RRP1: variants seen among roughly 807,000 people sequenced by gnomAD.
RRP1 encodes ribosomal RNA processing 1.
RRP1 carries 37 observed loss-of-function variants against 54.6 expected under a neutral mutation model. That is an observed-to-expected ratio of 0.68 (90% CI 0.52 to 0.89). The LOEUF (loss-of-function observed/expected upper bound fraction) is 0.89, where lower values mean the gene tolerates loss of function less well. RRP1 is among the 40% of genes least tolerant of loss of function. RRP1 has a pLI of 0.00. For synonymous variants in RRP1, 262 were observed against 244.3 expected (o/e 1.07, Z -0.67); for missense variants, 639 against 612.5 (o/e 1.04, Z -0.46).
rs564983434 is a variant in RRP1 at position 43,800,381 on chromosome 21, T to C, written c.892-136T>C. 7 of 717,104 alleles carry C rather than the reference T, an allele frequency of 9.8e-6. No homozygotes were observed. In the African/African-American group the frequency reaches 1.2e-4, roughly 12 times the overall value. 44.4% of individuals were successfully genotyped at this position (717,104 alleles called of 1,614,324 possible). A position where few individuals can be genotyped will look rare whatever the true frequency, so the allele number is the denominator to read the frequency against. On this transcript the variant is annotated intron_variant, in intron 9 of 12. Coordinates refer to ENST00000497547, the MANE Select transcript of RRP1 (RefSeq NM_003683.6). The stretch of plus-strand genomic sequence containing the variant: ...GGAGCTGCAGGACCCTCAGTGAGGG[T>C]GGGCTGTGTTCCTGTGAGCCGGGTG...
At position 43,805,150 on chromosome 21, in the gene RRP1, C is replaced by A. The variant is rs2085131025; in HGVS notation, c.*1376C>A. ...AATTAGCCAGGCGTGGTGGCACATG[C>A]CTGTAATCCCAGCTACTCGGGAGGC... On this transcript the variant is annotated 3_prime_UTR_variant, in exon 13 of 13. Transcript: ENST00000497547. 1.3e-5 allele frequency: 2 copies of A among 152,366 alleles called. No homozygotes were observed. Among genetic ancestry groups the A allele is most frequent in the Admixed American group, 6.5e-5 (1 of 15,280 alleles). The allele number at this position is 152,366 out of a possible 1,614,324, so 9.4% of individuals were successfully genotyped here. A position where few individuals can be genotyped will look rare whatever the true frequency, so the allele number is the denominator to read the frequency against.
At position 43,792,498 on chromosome 21, in the gene RRP1, G is replaced by C. The variant is rs539897633; in HGVS notation, c.217-174G>C. On this transcript the variant is annotated intron_variant, in intron 2 of 12. Transcript: ENST00000497547. ...TGAGAGCCTGTTGACCCTGGCTGTA[G>C]AGGGGTCTTTTGGAGCAGGGGTGAA... Among the ~76,000 whole-genome samples, 5 of 152,334 alleles carry C rather than the reference G, an allele frequency of 3.3e-5. No homozygotes were observed. The South Asian group carries it at 1.0e-3, about 32-fold the overall frequency.
At chr21:43,799,760 G>C (rs1390946895) in intron 9 of RRP1, 111 bp downstream of exon 9, 1 of 1,041,810 alleles carries the variant, frequency 9.6e-7, no homozygotes, top group African/African-American at 1.6e-5. Context: ...TGTTGGCATG[G>C]AGAGTTACCC....
chr21:43,793,008 A>G (rs1196161540), intron 3 of RRP1: 2 of 560,226 alleles, frequency 3.6e-6, no homozygotes, highest in Non-Finnish European at 6.3e-6. Flanking sequence ...TAATGTCACC[A>G]AGAGATTGGA....
At chr21:43,799,767 AC>A (rs2085065262) in intron 9 of RRP1, 118 bp downstream of exon 9, 1 of 944,010 alleles carries the variant, frequency 1.1e-6, no homozygotes. Flanking sequence ...ATGGAGAGTT[AC>A]CCGGACAGGG....
At chr21:43,796,076 G>C (rs1408236021) in intron 5 of RRP1, among the ~76,000 whole-genome samples, 1 of 151,946 alleles carries the variant, frequency 6.6e-6, no homozygotes, top group Non-Finnish European at 1.5e-5. Flanking sequence ...AGGCTGCAGT[G>C]ATCTGTGACT....
At position 43,803,909 on chromosome 21, in the gene RRP1, A is replaced by G; in HGVS notation, c.*135A>G. On this transcript the variant is annotated 3_prime_UTR_variant, in exon 13 of 13. Transcript: ENST00000497547. ...GTGCCAGGCGGGAGGGAAGGGCGGC[A>G]CTGGAGAGATGGGCCCATCATTAGG... The G allele has an allele frequency of 9.0e-7, 1 of 1,112,572 alleles. No homozygotes were observed. Among genetic ancestry groups the G allele is most frequent in the Non-Finnish European group, 1.2e-6 (1 of 801,438 alleles). The allele number at this position is 1,112,572 out of a possible 1,614,324, so 68.9% of individuals were successfully genotyped here. A position where few individuals can be genotyped will look rare whatever the true frequency, so the allele number is the denominator to read the frequency against.
At chr21:43,799,264 CAG>C (rs2085056677) in intron 8 of RRP1, among the ~76,000 whole-genome samples, 1 of 152,004 alleles carries the variant, frequency 6.6e-6, no homozygotes, top group South Asian at 2.1e-4. Flanking sequence ...GTCAGCCACT[CAG>C]GGCTGTGTAG....
chr21:43,795,370 C>A, intron 5 of RRP1, 120 bp downstream of exon 5: 2 of 922,540 alleles, frequency 2.2e-6, no homozygotes, highest in East Asian at 2.4e-5. Flanking sequence ...TGCCCCCAAT[C>A]GTGCTTAGAG....
In RRP1 at chr21:43,800,750, C is replaced by T. The variant is rs2085080316; in HGVS notation, c.990-112C>T. 1.7e-5 allele frequency: 26 copies of T among 1,504,224 alleles called. No individual in the cohort carries two copies. The South Asian group carries it at 2.2e-4, about 13-fold the overall frequency. The allele number at this position is 1,504,224 out of a possible 1,614,324, so 93.2% of individuals were successfully genotyped here. A position where few individuals can be genotyped will look rare whatever the true frequency, so the allele number is the denominator to read the frequency against. On this transcript the variant is annotated intron_variant, in intron 10 of 12. Coordinates refer to ENST00000497547, the MANE Select transcript of RRP1 (RefSeq NM_003683.6). ...ATCCCCGCTAGGACCCTGAGACCGT[C>T]CCCAGCCCCTGGGGTTCCCCTGGCT...
intron 1 of RRP1, 143 bp downstream of exon 1, chr21:43,789,905 G>A: frequency 1.9e-6 from 2 of 1,036,970 alleles, no homozygotes; most frequent in Non-Finnish European, 1.3e-6. Flanking sequence ...CCACTGGCCT[G>A]TTCCCGCTGT....
chr21:43,791,100 C>G (rs1397986020), intron 1 of RRP1: 1 of 598,728 alleles, frequency 1.7e-6, no homozygotes, highest in Admixed American at 2.2e-5. Flanking sequence ...GTGCCTGATA[C>G]CTTGTAGATC....
At chr21:43,793,893 A>G (rs1417080544) in intron 4 of RRP1, among the ~76,000 whole-genome samples, 1 of 152,100 alleles carries the variant, frequency 6.6e-6, no homozygotes, top group East Asian at 1.9e-4. Flanking sequence ...ACAGGGGAAC[A>G]CTGGGGTTTA....
At position 43,803,704 on chromosome 21, in the gene RRP1, C is replaced by T; in HGVS notation, c.1316C>T (p.Pro439Leu). ...CGCCAGAGAAGGAGGACACCTCGGC[C>T]CCTGACCAGTGCCCGAGCAAAGGCG... ...GARQRRRTPR[P>L]LTSARAKAAN... is the part of the protein sequence containing the mutation. The change falls in exon 13 of 13, where the codon CCC (proline) becomes CTC (leucine). Residue 439 changes from proline to leucine, a missense_variant. Coordinates refer to ENST00000497547, the MANE Select transcript of RRP1 (RefSeq NM_003683.6). 1 of 1,557,632 alleles carries T rather than the reference C, an allele frequency of 6.4e-7. No homozygotes were observed. Among genetic ancestry groups the T allele is most frequent in the Non-Finnish European group, 8.7e-7 (1 of 1,150,996 alleles).
At position 43,799,458 on chromosome 21, in the gene RRP1, G is replaced by A. The variant is rs556750015; in HGVS notation, c.812-112G>A. ...GGCTGTCCGTTCCCGGGTGTTTCCC[G>A]CCTGTGCCCGTGCTCCGACCAGGGT... On this transcript the variant is annotated intron_variant, in intron 8 of 12. Coordinates refer to ENST00000497547, the MANE Select transcript of RRP1 (RefSeq NM_003683.6). The A allele has an allele frequency of 6.2e-6, 7 of 1,133,084 alleles. No homozygotes were observed. The East Asian group carries it at 1.8e-4, about 29-fold the overall frequency. The allele number at this position is 1,133,084 out of a possible 1,614,324, so 70.2% of individuals were successfully genotyped here.
In RRP1 at chr21:43,789,657, G is replaced by A; in HGVS notation, c.28G>A (p.Glu10Lys). 6.3e-7 allele frequency: 1 copy of A among 1,582,236 alleles called. No homozygotes were observed. Among genetic ancestry groups the A allele is most frequent in the Non-Finnish European group, 8.6e-7 (1 of 1,165,744 alleles). MVSRVQLPP[E>K]IQLAQRLAGN... is the part of the protein sequence containing the mutation. ...GGTTTCGCGCGTGCAGCTCCCGCCT[G>A]AGATCCAGCTGGCTCAGCGCCTGGC... The change falls in exon 1 of 13, where the codon GAG becomes AAG. Residue 10 changes from glutamate to lysine, a missense_variant. Physicochemically the swap from Glu to Lys is moderately conservative, Grantham distance 56 (BLOSUM62 1). Transcript: ENST00000497547.
At position 43,798,080 on chromosome 21, in the gene RRP1, G is replaced by A; in HGVS notation, c.791G>A (p.Arg264Lys). ...GERGDALSQK[R>K]SEKPPAGSIC... The stretch of plus-strand genomic sequence containing the variant: ...CGTGGAGACGCGCTGTCCCAGAAGA[G>A]GTCTGAGAAGCCGCCCGCAGGTGGG... The change falls in exon 8 of 13, where the codon AGG (arginine) becomes AAG (lysine). Residue 264 changes from arginine (R) to lysine (K), a missense_variant. Coordinates refer to ENST00000497547, the MANE Select transcript of RRP1 (RefSeq NM_003683.6). 1 of 1,613,214 alleles carries A rather than the reference G, an allele frequency of 6.2e-7. No individual in the cohort carries two copies. Among genetic ancestry groups the A allele is most frequent in the Non-Finnish European group, 8.5e-7 (1 of 1,179,536 alleles).
intron 10 of RRP1, 107 bp from the exon 11 acceptor site, chr21:43,800,755 G>A (rs1569017634): frequency 8.4e-6 from 13 of 1,556,056 alleles, no homozygotes; most frequent in Non-Finnish European, 1.1e-5. Flanking sequence ...ACCGTCCCCA[G>A]CCCCTGGGGT....
chr21:43,800,993 A>G, intron 11 of RRP1, 112 bp downstream of exon 11: 2 of 1,180,476 alleles, frequency 1.7e-6, no homozygotes, highest in Admixed American at 3.4e-5. Flanking sequence ...CTTTGCAGAG[A>G]GGCCTGGTGG....
Sources: gnomAD v4.1 joint callset for allele counts (sites outside exome capture counted in the v4.1 genomes callset) on GRCh38, gnomAD v4.1.1 for gene constraint, MANE v1.5 for transcripts, NCBI Gene and HGNC (gene_info 2026-07-23, HGNC 2026-07-21) for gene names.